Variants in KPNA1 observed in about 807,000 individuals in gnomAD.
KPNA1 encodes the protein importin subunit alpha-5.
Under a neutral mutation model 70.5 loss-of-function variants are expected in KPNA1, and 10 were observed. The observed-to-expected ratio is 0.14, with a 90% CI of 0.09 to 0.24. The LOEUF (loss-of-function observed/expected upper bound fraction) is 0.24, where lower values mean the gene tolerates loss of function less well. Among genes scored for constraint, KPNA1 ranks in the 10% least tolerant of loss-of-function variants. KPNA1 has a pLI of 1.00. For synonymous variants in KPNA1, 192 were observed against 221.9 expected, an observed-to-expected ratio of 0.87 and a Z score of 1.20; for missense variants, 397 against 637.9, an observed-to-expected ratio of 0.62 and a Z score of 4.07.
intron 10 of KPNA1, among the ~76,000 whole-genome samples, chr3:122,439,654 ATTACT>A (rs2076037844): frequency 6.6e-6 from 1 of 152,230 alleles, no homozygotes; most frequent in African/African-American, 2.4e-5. Context: ...TGCAAATAAC[ATTACT>A]TTAGGAAAGA....
At position 122,491,884 on chromosome 3, in the gene KPNA1, C is replaced by T. The variant is rs1208661313; in HGVS notation, c.129+4553G>A. Among the ~76,000 whole-genome samples the T allele has an allele frequency of 6.9e-5, 6 of 87,568 alleles. No individual in the cohort carries two copies. The South Asian group carries it at 1.2e-3, about 18-fold the overall frequency. 57.4% of individuals were successfully genotyped at this position (87,568 alleles called of 152,430 possible). ...TTTTTTTTTTTTTTTTTTTTTGAGA[C>T]GGAGTTTCGCTCTGTCGCCCAGGCT... On this transcript the variant is annotated intron_variant, in intron 2 of 13. Transcript: ENST00000344337.
chr3:122,424,382 A>G lies in KPNA1; in HGVS notation c.*2603T>C, dbSNP rs1470718437. ...CCTTAAAATGTCATTTCTGTTACCA[A>G]AAAGCCTGCTTCAGTACCAAGTTCC... On this transcript the variant is annotated 3_prime_UTR_variant, in exon 14 of 14. Coordinates refer to ENST00000344337, the MANE Select transcript of KPNA1 (RefSeq NM_002264.4). 6.6e-6 allele frequency: 1 copy of G among 152,200 alleles called. No homozygotes were observed. The highest frequency in any genetic ancestry group is 1.5e-5 in the Non-Finnish European group (1 of 68,026). 9.4% of individuals were successfully genotyped at this position (152,200 alleles called of 1,614,324 possible).
At chr3:122,438,261 AACTTTT>A (rs1468190820) in intron 10 of KPNA1, among the ~76,000 whole-genome samples, 4 of 152,162 alleles carry the variant, frequency 2.6e-5, no homozygotes, top group Admixed American at 6.5e-5. Context: ...CTTCCACCAT[AACTTTT>A]AAGTTTCCTG....
intron 9 of KPNA1, chr3:122,443,160 C>CTCAGCGGGTCCCATGCT: frequency 6.6e-6 from 1 of 152,514 alleles, no homozygotes; most frequent in East Asian, 1.9e-4. Context: ...TCTCCCATGC[C>CTCAGCGGGTCCCATGCT]TGGCTCAGCG....
chr3:122,441,691 C>A (rs2076064674), intron 10 of KPNA1, among the ~76,000 whole-genome samples: 1 of 151,940 alleles, frequency 6.6e-6, no homozygotes, highest in African/African-American at 2.4e-5. Flanking sequence ...ACCTCTACCT[C>A]CTGGGTTCAA....
At chr3:122,499,608 A>C (rs2076802324) in intron 1 of KPNA1, among the ~76,000 whole-genome samples, 1 of 152,122 alleles carries the variant, frequency 6.6e-6, no homozygotes. Context: ...TAAAAAATAA[A>C]AATCAGACAG....
Position 122,514,800 on chromosome 3 carries a change from C to T in KPNA1, c.-49G>A, listed in dbSNP as rs28384492. ...TCCCGGTGCCACCGCTGAAGTTAGC[C>T]CCTCGCTCGCCCGCCCGCCGTGCCA... is the stretch of plus-strand genomic sequence containing the variant. On this transcript the variant is annotated 5_prime_UTR_variant, in exon 1 of 14. Coordinates refer to ENST00000344337, the MANE Select transcript of KPNA1 (RefSeq NM_002264.4). 13,287 of 152,668 alleles carry T rather than the reference C, an allele frequency of 0.087. 765 individuals are homozygous for T. The highest frequency in any genetic ancestry group is 0.21 in the Middle Eastern group (63 of 296). The allele number at this position is 152,668 out of a possible 1,614,324, so 9.5% of individuals were successfully genotyped here.
chr3:122,463,347 C>A (rs1576311343), intron 4 of KPNA1, among the ~76,000 whole-genome samples: 2 of 136,016 alleles, frequency 1.5e-5, no homozygotes, highest in African/African-American at 2.8e-5. Flanking sequence ...GACTCCATCT[C>A]AAAAAAAAAA....
At chr3:122,480,090 A>AG (rs1321804960) in intron 2 of KPNA1, among the ~76,000 whole-genome samples, 2 of 152,336 alleles carry the variant, frequency 1.3e-5, no homozygotes, top group African/African-American at 4.8e-5. Flanking sequence ...GTATGATTCC[A>AG]ACTATATGAC....
chr3:122,500,113 T>TG lies in KPNA1; in HGVS notation c.-5-3544_-5-3543insC, dbSNP rs1421262519. 1.4e-4 allele frequency among the ~76,000 whole-genome samples: 21 copies of TG among 152,048 alleles called. 1 individual carries two copies. Among genetic ancestry groups the TG allele is most frequent in the East Asian group, 5.8e-4 (3 of 5,178 alleles). On this transcript the variant is annotated intron_variant, in intron 1 of 13. Transcript: ENST00000344337. ...TTTATTTACTGGGATACAACTGTTT[T>TG]TTTGTTGTTGTTGTTGTTGTTGTTT...
At chr3:122,463,910 G>GA in intron 4 of KPNA1, 32 bp downstream of exon 4, 3 of 1,240,996 alleles carry the variant, frequency 2.4e-6, no homozygotes, top group Non-Finnish European at 3.5e-6. Flanking sequence ...GTAGAGAGAT[G>GA]AAAAAATATA....
intron 1 of KPNA1, among the ~76,000 whole-genome samples, chr3:122,502,699 A>G (rs919490864): frequency 6.6e-6 from 1 of 152,348 alleles, no homozygotes; most frequent in South Asian, 2.1e-4. Context: ...ATTCCAAGGG[A>G]ATCATATTTA....
intron 9 of KPNA1, among the ~76,000 whole-genome samples, chr3:122,446,380 G>A (rs944500462): frequency 2.0e-5 from 3 of 152,072 alleles, no homozygotes; most frequent in Admixed American, 1.3e-4. Flanking sequence ...ACTCAAAACC[G>A]CACAACTACA....
At position 122,504,383 on chromosome 3, in the gene KPNA1, G is replaced by A. The variant is rs142213321; in HGVS notation, c.-5-7813C>T. Among the ~76,000 whole-genome samples the A allele has an allele frequency of 1.7e-3, 266 of 152,226 alleles. 1 individual carries two copies. Among genetic ancestry groups the A allele is most frequent in the Non-Finnish European group, 3.2e-3 (218 of 68,006 alleles). On this transcript the variant is annotated intron_variant, in intron 1 of 13. Transcript: ENST00000344337. ...GTGTAAGGGCACTAATTCCATTCATGAGGGCTCCATTTTCATCACCCAAAG... is the reference window on the plus strand; with the variant it reads ...GTGTAAGGGCACTAATTCCATTCATAAGGGCTCCATTTTCATCACCCAAAG...
intron 1 of KPNA1, among the ~76,000 whole-genome samples, chr3:122,508,580 A>C (rs1287241019): frequency 6.6e-6 from 1 of 152,180 alleles, no homozygotes; most frequent in East Asian, 1.9e-4. Context: ...TAAAAACCCA[A>C]GCTCCTTTTC....
chr3:122,462,924 C>CA (rs1383907693), intron 4 of KPNA1, among the ~76,000 whole-genome samples: 1 of 152,016 alleles, frequency 6.6e-6, no homozygotes, highest in Non-Finnish European at 1.5e-5. Context: ...CTAATTATAT[C>CA]AAAAAAAGTA....
At chr3:122,443,949 G>C (rs755920689) in intron 9 of KPNA1, among the ~76,000 whole-genome samples, 11 of 152,180 alleles carry the variant, frequency 7.2e-5, no homozygotes, top group Non-Finnish European at 1.2e-4. Context: ...GGTCTGACTA[G>C]AATTCGCCAG....
In KPNA1 at chr3:122,430,325, G is replaced by C. The variant is rs1306487781; in HGVS notation, c.1251-2609C>G. 2.0e-5 allele frequency among the ~76,000 whole-genome samples: 3 copies of C among 151,956 alleles called. No individual in the cohort carries two copies. The East Asian group carries it at 5.8e-4, about 29-fold the overall frequency. On this transcript the variant is annotated intron_variant, in intron 12 of 13. Coordinates refer to ENST00000344337, the MANE Select transcript of KPNA1 (RefSeq NM_002264.4). Reference sequence around the variant, plus strand: ...TCTGTTTCAATGTTTAATATTAGAAGGTTTTTGGGTCTATATTTTGAAGGT... The same window carrying C: ...TCTGTTTCAATGTTTAATATTAGAACGTTTTTGGGTCTATATTTTGAAGGT...
rs1450402782 is a variant in KPNA1, at chr3:122,496,466, G to A, written c.100C>T (p.Gln34Ter). 6.2e-7 allele frequency: 1 copy of A among 1,613,566 alleles called. No homozygotes were observed. The highest frequency in any genetic ancestry group is 8.5e-7 in the Non-Finnish European group (1 of 1,179,664). ...MRRRREEEGL[Q>*]LRKQKREEQL... ...TCTTCTCTTTTCTGCTTTCGTAACT[G>A]CAGTCCTTCTTCCTCCCTCCTCCTG... Residue 34 changes from glutamine to a stop codon, truncating the protein, a stop_gained, in exon 2 of 14, where the codon CAG (glutamine) becomes TAG (stop). Transcript: ENST00000344337. LOFTEE classifies it high-confidence loss of function.
Sources: gnomAD v4.1 joint callset for allele counts (sites outside exome capture counted in the v4.1 genomes callset) on GRCh38, gnomAD v4.1.1 for gene constraint, MANE v1.5 for transcripts, NCBI Gene and HGNC (gene_info 2026-07-23, HGNC 2026-07-21) for gene names.